The following ZNF599 variants were observed in gnomAD, a reference collection of about 807,000 sequenced individuals.
The protein encoded by ZNF599 is zinc finger protein 599.
In ZNF599, 10 loss-of-function variants were observed where a neutral mutation model predicts 11.7. That is an observed-to-expected ratio of 0.86 (90% confidence interval 0.53 to 1.45). The LOEUF (loss-of-function observed/expected upper bound fraction) is 1.45, where lower values mean the gene tolerates loss of function less well. ZNF599 is among the 40% of genes most tolerant of loss of function. ZNF599 has a pLI of 0.00. For synonymous variants in ZNF599, 232 were observed against 253.2 expected (o/e 0.92, Z 0.79); for missense variants, 688 against 713.6 (o/e 0.96, Z 0.41).
At chr19:34,795,447 T>A in the ZNF599 span, among the ~76,000 whole-genome samples, 4 of 152,096 alleles carry the variant, frequency 2.6e-5, no homozygotes, top group African/African-American at 4.8e-5. Flanking sequence ...GCTATTTTTT[T>A]AAATTTATTT....
the ZNF599 span, chr19:34,779,917 G>A: frequency 1.3e-5 from 2 of 158,032 alleles, no homozygotes; most frequent in African/African-American, 4.8e-5. Flanking sequence ...CACATGGTAT[G>A]CTCTTCTGTG....
Position 34,759,963 on chromosome 19 carries a change from C to T in ZNF599, c.838G>A (p.Asp280Asn). ...LTEHQRIHTG[D>N]KPYECKECGK... Reference sequence around the variant, plus strand: ...CATTCTTTGCACTCATAGGGCTTATCTCCGGTGTGAATACGCTGGTGCTCC... The same window carrying T: ...CATTCTTTGCACTCATAGGGCTTATTTCCGGTGTGAATACGCTGGTGCTCC... The change falls in exon 4 of 4, where the codon GAT becomes AAT. Residue 280 changes from aspartate (D) to asparagine (N), a missense_variant. By Grantham distance (23) the Asp-to-Asn change is conservative. Transcript: ENST00000329285. The T allele has an allele frequency of 6.2e-7, 1 of 1,614,180 alleles. No homozygotes were observed. Among genetic ancestry groups the T allele is most frequent in the Non-Finnish European group, 8.5e-7 (1 of 1,180,036 alleles).
At position 34,772,921 on chromosome 19, in the gene ZNF599, T is replaced by C. The variant is rs2069194339; in HGVS notation, c.-80A>G. ...GGCTCGGCCGACCCCGGGCTCCGGCTCTGGGCTGCGAGGGACCTCAGTCCC... is the reference window on the plus strand; with the variant it reads ...GGCTCGGCCGACCCCGGGCTCCGGCCCTGGGCTGCGAGGGACCTCAGTCCC... On this transcript the variant is annotated 5_prime_UTR_variant, in exon 1 of 4. Coordinates refer to ENST00000329285, the MANE Select transcript of ZNF599 (RefSeq NM_001007248.3). 2 of 1,381,348 alleles carry C rather than the reference T, an allele frequency of 1.4e-6. No homozygotes were observed. The highest frequency in any genetic ancestry group is 1.9e-6 in the Non-Finnish European group (2 of 1,069,334). The allele number at this position is 1,381,348 out of a possible 1,614,324, so 85.6% of individuals were successfully genotyped here. A position where few individuals can be genotyped will look rare whatever the true frequency, so the allele number is the denominator to read the frequency against.
chr19:34,777,488 A>G (rs1340598942), upstream of ZNF599, among the ~76,000 whole-genome samples: 1 of 107,828 alleles, frequency 9.3e-6, no homozygotes, highest in African/African-American at 3.7e-5. Context: ...AATATATAAT[A>G]TATGATATAT....
chr19:34,760,071 G>A lies in ZNF599; in HGVS notation c.730C>T (p.Arg244Ter), dbSNP rs137997147. 7.2e-5 allele frequency: 117 copies of A among 1,613,956 alleles called. 1 individual carries two copies. The South Asian group carries it at 7.5e-4, about 10-fold the overall frequency. Reference sequence around the variant, plus strand: ...TCCCCAGTATGAAGCCTCATATGTCGAATGACATCAGCCATATAACGACAG... The same window carrying A: ...TCCCCAGTATGAAGCCTCATATGTCAAATGACATCAGCCATATAACGACAG... The part of the protein sequence containing the change: ...KACRYMADVI[R>*]HMRLHTGEKP... The change falls in exon 4 of 4, where the codon CGA becomes TGA. Residue 244 changes from arginine to a stop codon, truncating the protein, a stop_gained. Transcript: ENST00000329285. LOFTEE classifies it low-confidence loss of function (END_TRUNC).
Position 34,765,605 on chromosome 19 carries a change from C to T in ZNF599, c.241+1711G>A, listed in dbSNP as rs756394151. 5.7e-6 allele frequency: 4 copies of T among 702,984 alleles called. No individual in the cohort carries two copies. The South Asian group carries it at 5.9e-5, about 10-fold the overall frequency. The allele number at this position is 702,984 out of a possible 1,614,324, so 43.5% of individuals were successfully genotyped here. A position where few individuals can be genotyped will look rare whatever the true frequency, so the allele number is the denominator to read the frequency against. ...ATTCTGCTGGAGAAATTAGCCATGGCCAGGATGATAACTCTTCCACAGAAG... is the reference window on the plus strand; with the variant it reads ...ATTCTGCTGGAGAAATTAGCCATGGTCAGGATGATAACTCTTCCACAGAAG... On this transcript the variant is annotated intron_variant, in intron 3 of 3. Coordinates refer to ENST00000329285, the MANE Select transcript of ZNF599 (RefSeq NM_001007248.3).
Position 34,759,529 on chromosome 19 carries a change from C to G in ZNF599, c.1272G>C (p.Glu424Asp). The G allele has an allele frequency of 6.2e-7, 1 of 1,613,290 alleles. No individual in the cohort carries two copies. The highest frequency in any genetic ancestry group is 1.1e-5 in the South Asian group (1 of 91,028). The change falls in exon 4 of 4, where the codon GAG becomes GAC. Residue 424 changes from glutamate (E) to aspartate (D), a missense_variant. By Grantham distance (45) the Glu-to-Asp change is conservative. Coordinates refer to ENST00000329285, the MANE Select transcript of ZNF599 (RefSeq NM_001007248.3). ...AAAAGGCCTTCCCACATTCTTTGCA[C>G]TCAAAGGGCTTCTCTCCGGTATGGG... ...KRTHTGEKPFECKECGKAFCD... is the reference protein window; with the variant it reads ...KRTHTGEKPFDCKECGKAFCD...
the ZNF599 span, among the ~76,000 whole-genome samples, chr19:34,789,200 C>T: frequency 9.9e-5 from 15 of 152,180 alleles, no homozygotes; most frequent in South Asian, 1.2e-3. Context: ...TTTCACTTAA[C>T]ACAGTGTCCT....
At chr19:34,806,230 G>C in the ZNF599 span, among the ~76,000 whole-genome samples, 1 of 152,166 alleles carries the variant, frequency 6.6e-6, no homozygotes, top group Non-Finnish European at 1.5e-5. Flanking sequence ...TCTGCCCAGT[G>C]GTGGAAACAG....
At chr19:34,802,592 G>T in the ZNF599 span, among the ~76,000 whole-genome samples, 3 of 152,202 alleles carry the variant, frequency 2.0e-5, no homozygotes, top group Non-Finnish European at 2.9e-5. Context: ...GAGAGTTGGG[G>T]ATTAGCCCTG....
In ZNF599 at chr19:34,759,009, C is replaced by T; in HGVS notation, c.*25G>A. Reference sequence around the variant, plus strand: ...TATGAGTTCACTAAAGACAAACACACTTGTAATAGGCCTTCCTGTATCTTT... The same window carrying T: ...TATGAGTTCACTAAAGACAAACACATTTGTAATAGGCCTTCCTGTATCTTT... On this transcript the variant is annotated 3_prime_UTR_variant, in exon 4 of 4. Transcript: ENST00000329285. 1 of 1,575,208 alleles carries T rather than the reference C, an allele frequency of 6.3e-7. No homozygotes were observed. The highest frequency in any genetic ancestry group is 8.6e-7 in the Non-Finnish European group (1 of 1,159,604).
At chr19:34,802,158 C>T in the ZNF599 span, among the ~76,000 whole-genome samples, 1 of 152,328 alleles carries the variant, frequency 6.6e-6, no homozygotes, top group South Asian at 2.1e-4. Context: ...ACTGACATCA[C>T]AAATGTGTAT....
In ZNF599 at chr19:34,758,798, T is replaced by G. The variant is rs1053341145; in HGVS notation, c.*236A>C. On this transcript the variant is annotated 3_prime_UTR_variant, in exon 4 of 4. Coordinates refer to ENST00000329285, the MANE Select transcript of ZNF599 (RefSeq NM_001007248.3). ...TCCCCTCGATTATTCTCAGGTACAG[T>G]GTAAGGCTCTAAACTGGGTGAATCT... 1 of 498,466 alleles carries G rather than the reference T, an allele frequency of 2.0e-6. No homozygotes were observed. Among genetic ancestry groups the G allele is most frequent in the African/African-American group, 1.9e-5 (1 of 52,018 alleles). 30.9% of individuals were successfully genotyped at this position (498,466 alleles called of 1,614,324 possible).
the ZNF599 span, among the ~76,000 whole-genome samples, chr19:34,794,343 TG>T: frequency 1.3e-5 from 2 of 152,272 alleles, no homozygotes; most frequent in African/African-American, 4.8e-5. Context: ...GTCACGGCAC[TG>T]GTGGGAGTTT....
At chr19:34,786,485 T>C in the ZNF599 span, among the ~76,000 whole-genome samples, 6 of 152,266 alleles carry the variant, frequency 3.9e-5, no homozygotes, top group South Asian at 1.2e-3. Flanking sequence ...GGAATTGACT[T>C]GGCCCCTGTG....
chr19:34,778,792 A>C, the ZNF599 span, among the ~76,000 whole-genome samples: 1 of 152,216 alleles, frequency 6.6e-6, no homozygotes, highest in Non-Finnish European at 1.5e-5. Context: ...AGTACTAACA[A>C]ATTTCTTTGT....
chr19:34,798,685 C>T, the ZNF599 span, among the ~76,000 whole-genome samples: 1 of 152,234 alleles, frequency 6.6e-6, no homozygotes, highest in Non-Finnish European at 1.5e-5. Context: ...CAGCACCTTT[C>T]CCTCTACTCC....
At position 34,759,671 on chromosome 19, in the gene ZNF599, C is replaced by A. The variant is rs764143876; in HGVS notation, c.1130G>T (p.Cys377Phe). The A allele has an allele frequency of 6.2e-7, 1 of 1,614,040 alleles. No individual in the cohort carries two copies. The highest frequency in any genetic ancestry group is 1.1e-5 in the South Asian group (1 of 91,072). The change falls in exon 4 of 4, where the codon TGC becomes TTC. Residue 377 changes from cysteine to phenylalanine, a missense_variant. Transcript: ENST00000329285. The part of the protein sequence containing the change: ...FLCKECGKTF[C>F]LNSSFTQHMR... The stretch of plus-strand genomic sequence containing the variant: ...GTGCTGAGTGAAGGATGAGTTGAGG[C>A]AAAAGGTTTTTCCACATTCTTTACA...
At chr19:34,803,056 G>C in the ZNF599 span, among the ~76,000 whole-genome samples, 3 of 152,176 alleles carry the variant, frequency 2.0e-5, no homozygotes, top group Non-Finnish European at 2.9e-5. Flanking sequence ...CTAGAGGAAG[G>C]GGGCAGAACC....
Sources: gnomAD v4.1 joint callset for allele counts (sites outside exome capture counted in the v4.1 genomes callset) on GRCh38, gnomAD v4.1.1 for gene constraint, MANE v1.5 for transcripts, NCBI Gene and HGNC (gene_info 2026-07-23, HGNC 2026-07-21) for gene names.